PIRT: variants seen among roughly 807,000 people sequenced by gnomAD.
PIRT encodes the protein phosphoinositide-interacting protein.
A neutral mutation model predicts 7.9 loss-of-function variants in PIRT; 6 were observed. The observed-to-expected ratio is 0.76, with a 90% confidence interval of 0.42 to 1.51. The LOEUF (loss-of-function observed/expected upper bound fraction) is 1.51. Among genes scored for constraint, PIRT ranks in the 40% most tolerant of loss-of-function variants. PIRT has a pLI of 0.01. For synonymous variants in PIRT, 78 were observed against 71.8 expected, an observed-to-expected ratio of 1.09 and a Z score of -0.44; for missense variants, 170 against 172.9, an observed-to-expected ratio of 0.98 and a Z score of 0.09.
Position 10,825,679 on chromosome 17 carries a change from T to A in PIRT, c.-34A>T. Reference sequence around the variant, plus strand: ...AGGACTGGGCGCCTAGGACCAGCAATAGTTGGAAACAAGAGTGGAGCCAAA... The same window carrying A: ...AGGACTGGGCGCCTAGGACCAGCAAAAGTTGGAAACAAGAGTGGAGCCAAA... On this transcript the variant is annotated 5_prime_UTR_variant, in exon 2 of 2. Transcript: ENST00000580256. 7 of 1,449,598 alleles carry A rather than the reference T, an allele frequency of 4.8e-6. No individual in the cohort carries two copies. The highest frequency in any genetic ancestry group is 6.4e-6 in the Non-Finnish European group (7 of 1,099,092). The allele number at this position is 1,449,598 out of a possible 1,614,324, so 89.8% of individuals were successfully genotyped here.
At chr17:10,829,471 C>G (rs982515098) in intron 1 of PIRT, among the ~76,000 whole-genome samples, 1 of 152,142 alleles carries the variant, frequency 6.6e-6, no homozygotes, top group African/African-American at 2.4e-5. Context: ...CTCTGCAACG[C>G]GGTCGCTAGT....
chr17:10,823,552 A>C lies in PIRT; in HGVS notation c.*1680T>G, dbSNP rs570303851. On this transcript the variant is annotated 3_prime_UTR_variant, in exon 2 of 2. Transcript: ENST00000580256. ...GGAAGGCCACAAGGCTGAGGAGTGA[A>C]GAGAATTAGCTCAAGACAAGGGTGA... 2 of 152,428 alleles carry C rather than the reference A, an allele frequency of 1.3e-5. No homozygotes were observed. The highest frequency in any genetic ancestry group is 2.4e-5 in the African/African-American group (1 of 41,582). 9.4% of individuals were successfully genotyped at this position (152,428 alleles called of 1,614,324 possible).
intron 1 of PIRT, among the ~76,000 whole-genome samples, chr17:10,830,168 A>C (rs564241256): frequency 4.6e-5 from 7 of 152,166 alleles, no homozygotes; most frequent in Non-Finnish European, 8.8e-5. Flanking sequence ...AGCAGAGGGA[A>C]TGCCTACCCT....
In PIRT at chr17:10,825,257, A is replaced by C; in HGVS notation, c.389T>G (p.Leu130Arg). Reference sequence around the variant, plus strand: ...TCAGCGAGTCAGGAAGAAGGACTTGAGGCTGCGTAAGAAATTCGACTTCTG... The same window carrying C: ...TCAGCGAGTCAGGAAGAAGGACTTGCGGCTGCGTAAGAAATTCGACTTCTG... ...HRQKSNFLRS[L>R]KSFFLTR The change falls in exon 2 of 2, where the codon CTC becomes CGC. Residue 130 changes from leucine to arginine, a missense_variant. Physicochemically the swap from Leu to Arg is moderately radical, Grantham distance 102. Transcript: ENST00000580256. The C allele has an allele frequency of 6.2e-7, 1 of 1,613,950 alleles. No homozygotes were observed. The highest frequency in any genetic ancestry group is 8.5e-7 in the Non-Finnish European group (1 of 1,179,888).
chr17:10,825,188 G>A lies in PIRT; in HGVS notation c.*44C>T. On this transcript the variant is annotated 3_prime_UTR_variant, in exon 2 of 2. Transcript: ENST00000580256. The stretch of plus-strand genomic sequence containing the variant: ...CAGGGATGTCGGATGTTGGTCATCA[G>A]ATCTTCTCCCAGTCAAGGTGGCAGG... 6.3e-7 allele frequency: 1 copy of A among 1,595,012 alleles called. No homozygotes were observed. The highest frequency in any genetic ancestry group is 8.6e-7 in the Non-Finnish European group (1 of 1,168,538).
intron 1 of PIRT, among the ~76,000 whole-genome samples, chr17:10,835,343 C>G (rs1905562241): frequency 6.6e-6 from 1 of 152,220 alleles, no homozygotes; most frequent in Admixed American, 6.5e-5. Context: ...CATCCTCCCA[C>G]CCAGTCACTC....
intron 1 of PIRT, among the ~76,000 whole-genome samples, chr17:10,828,533 T>C (rs774588676): frequency 8.5e-5 from 13 of 152,152 alleles, no homozygotes; most frequent in Admixed American, 2.6e-4. Context: ...AAAAATTGTA[T>C]TGGGGAAGGT....
Position 10,825,405 on chromosome 17 carries a change from G to C in PIRT, c.241C>G (p.Leu81Val). The change falls in exon 2 of 2, where the codon CTG (leucine) becomes GTG (valine). Residue 81 changes from leucine (L) to valine (V), a missense_variant. Physicochemically the swap from Leu to Val is conservative, Grantham distance 32. Coordinates refer to ENST00000580256, the MANE Select transcript of PIRT (RefSeq NM_001101387.2). ...AGGATGGAGAGACTCTTGTCACTCAGCTTCAAGGTGTAGGCCAAGCAGGTG... is the reference window on the plus strand; with the variant it reads ...AGGATGGAGAGACTCTTGTCACTCACCTTCAAGGTGTAGGCCAAGCAGGTG... ...VITCLAYTLKLSDKSLSILKM... is the reference protein window; with the variant it reads ...VITCLAYTLKVSDKSLSILKM... 6.2e-7 allele frequency: 1 copy of C among 1,614,008 alleles called. No individual in the cohort carries two copies. The highest frequency in any genetic ancestry group is 1.1e-5 in the South Asian group (1 of 91,088).
chr17:10,831,048 C>T (rs1004155393), intron 1 of PIRT, among the ~76,000 whole-genome samples: 1 of 152,188 alleles, frequency 6.6e-6, no homozygotes, highest in Non-Finnish European at 1.5e-5. Flanking sequence ...GCCTTTCCTC[C>T]TGCCTAGCTT....
intron 1 of PIRT, among the ~76,000 whole-genome samples, chr17:10,832,036 G>A (rs1363682374): frequency 2.0e-5 from 3 of 152,202 alleles, no homozygotes; most frequent in Non-Finnish European, 2.9e-5. Context: ...ATACAGCAAC[G>A]AGAAGCCAGA....
intron 1 of PIRT, among the ~76,000 whole-genome samples, chr17:10,827,243 A>G (rs932733862): frequency 6.6e-5 from 10 of 152,074 alleles, no homozygotes; most frequent in African/African-American, 2.4e-4. Flanking sequence ...TGCCCACCCC[A>G]GGGTCTAATC....
At position 10,823,693 on chromosome 17, in the gene PIRT, C is replaced by T. The variant is rs1905251496; in HGVS notation, c.*1539G>A. ...GGTACTGCTTCTGTTCTTTCACCTA[C>T]GGGCCTCTTGGTTGCCACAGGGAGT... On this transcript the variant is annotated 3_prime_UTR_variant, in exon 2 of 2. Coordinates refer to ENST00000580256, the MANE Select transcript of PIRT (RefSeq NM_001101387.2). The T allele has an allele frequency of 6.6e-6, 1 of 152,214 alleles. No individual in the cohort carries two copies. The highest frequency in any genetic ancestry group is 1.5e-5 in the Non-Finnish European group (1 of 68,088). The allele number at this position is 152,214 out of a possible 1,614,324, so 9.4% of individuals were successfully genotyped here. A position where few individuals can be genotyped will look rare whatever the true frequency, so the allele number is the denominator to read the frequency against.
chr17:10,835,398 C>T (rs1298362424), intron 1 of PIRT, among the ~76,000 whole-genome samples: 1 of 152,186 alleles, frequency 6.6e-6, no homozygotes, highest in Non-Finnish European at 1.5e-5. Context: ...GGTGAGGAAA[C>T]TGAGGATCAG....
In PIRT at chr17:10,824,990, A is replaced by G. The variant is rs1905277405; in HGVS notation, c.*242T>C. Reference sequence around the variant, plus strand: ...GCAGGGGCAGGGGGTTAGAGTGACCAAAGGGAAGGCCACAGCCGGGATCCA... The same window carrying G: ...GCAGGGGCAGGGGGTTAGAGTGACCGAAGGGAAGGCCACAGCCGGGATCCA... On this transcript the variant is annotated 3_prime_UTR_variant, in exon 2 of 2. Transcript: ENST00000580256. 2 of 565,560 alleles carry G rather than the reference A, an allele frequency of 3.5e-6. No homozygotes were observed. Among genetic ancestry groups the G allele is most frequent in the Non-Finnish European group, 6.2e-6 (2 of 323,058 alleles). 35.0% of individuals were successfully genotyped at this position (565,560 alleles called of 1,614,324 possible).
In PIRT at chr17:10,830,650, G is replaced by C. The variant is rs567757583; in HGVS notation, c.-138-4867C>G. Among the ~76,000 whole-genome samples, 3 of 152,264 alleles carry C rather than the reference G, an allele frequency of 2.0e-5. No homozygotes were observed. The South Asian group carries it at 6.2e-4, about 32-fold the overall frequency. On this transcript the variant is annotated intron_variant, in intron 1 of 1. Coordinates refer to ENST00000580256, the MANE Select transcript of PIRT (RefSeq NM_001101387.2). ...TTTATAAAATGAAGGAGTTTTCTTAGCTATTTCAGATAAGTCTATAGGTAA... is the reference window on the plus strand; with the variant it reads ...TTTATAAAATGAAGGAGTTTTCTTACCTATTTCAGATAAGTCTATAGGTAA...
rs1905271365 is a variant in PIRT, at chr17:10,824,602, T to G, written c.*630A>C. 1 of 152,366 alleles carries G rather than the reference T, an allele frequency of 6.6e-6. No individual in the cohort carries two copies. The highest frequency in any genetic ancestry group is 2.4e-5 in the African/African-American group (1 of 41,462). 9.4% of individuals were successfully genotyped at this position (152,366 alleles called of 1,614,324 possible). ...ATTATATAATTAGGAACTAAACTTC[T>G]TCAGCTGACTAACCCCTAGAGTCAT... On this transcript the variant is annotated 3_prime_UTR_variant, in exon 2 of 2. Coordinates refer to ENST00000580256, the MANE Select transcript of PIRT (RefSeq NM_001101387.2).
Position 10,824,156 on chromosome 17 carries a change from G to A in PIRT, c.*1076C>T, listed in dbSNP as rs1172657187. 2.0e-5 allele frequency: 3 copies of A among 152,260 alleles called. No individual in the cohort carries two copies. Among genetic ancestry groups the A allele is most frequent in the Non-Finnish European group, 2.9e-5 (2 of 68,084 alleles). The allele number at this position is 152,260 out of a possible 1,614,324, so 9.4% of individuals were successfully genotyped here. ...TTGGCTTGGCTGCCTCTCTCACCTC[G>A]GGAAGCAAGAAGACATCAGGGACCG... is the stretch of plus-strand genomic sequence containing the variant. On this transcript the variant is annotated 3_prime_UTR_variant, in exon 2 of 2. Coordinates refer to ENST00000580256, the MANE Select transcript of PIRT (RefSeq NM_001101387.2).
chr17:10,836,731 C>A (rs1905601366), intron 1 of PIRT, among the ~76,000 whole-genome samples: 1 of 152,124 alleles, frequency 6.6e-6, no homozygotes, highest in Non-Finnish European at 1.5e-5. Flanking sequence ...AGGAGAGAGG[C>A]ACACATTACC....
chr17:10,836,061 C>G (rs192516765), intron 1 of PIRT, among the ~76,000 whole-genome samples: 2 of 152,256 alleles, frequency 1.3e-5, no homozygotes, highest in East Asian at 3.9e-4. Flanking sequence ...TGCCACCACG[C>G]CTGCCTAATT....
Sources: gnomAD v4.1 joint callset for allele counts (sites outside exome capture counted in the v4.1 genomes callset) on GRCh38, gnomAD v4.1.1 for gene constraint, MANE v1.5 for transcripts, NCBI Gene and HGNC (gene_info 2026-07-23, HGNC 2026-07-21) for gene names.